The following ATP5F1C variants were observed in gnomAD, a reference collection of about 807,000 sequenced individuals.
The protein encoded by ATP5F1C is ATP synthase F(1) complex subunit gamma, mitochondrial.
ATP5F1C carries 22 observed loss-of-function variants against 37.4 expected under a neutral mutation model. That is an observed-to-expected ratio of 0.59 (90% CI 0.42 to 0.84). The LOEUF (loss-of-function observed/expected upper bound fraction) is 0.84, where lower values mean the gene tolerates loss of function less well. Ranked by LOEUF, ATP5F1C falls within the 40% of genes least tolerant of loss-of-function variation. ATP5F1C has a pLI of 0.00. For missense variants in ATP5F1C, 286 were observed against 362.4 expected (o/e 0.79, Z 1.71); for synonymous variants, 121 against 128.0 (o/e 0.95, Z 0.37).
intron 8 of ATP5F1C, 74 bp from the exon 9 acceptor site, chr10:7,806,900 G>A: frequency 7.6e-7 from 1 of 1,309,704 alleles, no homozygotes; most frequent in Non-Finnish European, 1.1e-6. Context: ...GAAAGCATAT[G>A]TGATTAACTA....
chr10:7,792,885 G>A (rs1262086852), intron 1 of ATP5F1C, among the ~76,000 whole-genome samples: 1 of 152,152 alleles, frequency 6.6e-6, no homozygotes, highest in Non-Finnish European at 1.5e-5. Flanking sequence ...GTTTAGGTTT[G>A]TAAAAAGCTA....
intron 1 of ATP5F1C, among the ~76,000 whole-genome samples, chr10:7,795,211 C>T (rs570124510): frequency 5.3e-4 from 80 of 152,256 alleles, no homozygotes; most frequent in African/African-American, 1.9e-3. Context: ...TTCTCCATTT[C>T]TCACTCTTTC....
In ATP5F1C at chr10:7,799,826, C is replaced by G. The variant is rs753424066; in HGVS notation, c.483C>G (p.Pro161=). 57 of 1,614,106 alleles carry G rather than the reference C, an allele frequency of 3.5e-5. 1 individual carries two copies. The highest frequency in any genetic ancestry group is 1.6e-4 in the Middle Eastern group (1 of 6,084). The part of the protein sequence containing the change: ...VAFKEVGRKP[P]TFGDASVIAL... ...TCAAAGAAGTGGGAAGAAAGCCCCC[C>G]ACTTTTGGAGATGCGTCAGTCATTG... The change falls in exon 5 of 10, where the codon CCC becomes CCG. Residue 161 remains proline, a synonymous_variant. Transcript: ENST00000356708.
At position 7,796,154 on chromosome 10, in the gene ATP5F1C, TAGTA is replaced by T. The variant is rs778045153; in HGVS notation, c.91+4_91+7del. ...TTCGAAATATGGCAACTTTGAAAGA[TAGTA>T]AGTATGTTGTTTGTCTCAATATGTG... On this transcript the variant is annotated splice_donor_variant and splice_donor_region_variant and coding_sequence_variant and intron_variant, in exon 2 of 10. Coordinates refer to ENST00000356708, the MANE Select transcript of ATP5F1C (RefSeq NM_001001973.3). LOFTEE classifies it high-confidence loss of function. 26 of 1,588,028 alleles carry T rather than the reference TAGTA, an allele frequency of 1.6e-5. No individual in the cohort carries two copies. The highest frequency in any genetic ancestry group is 2.1e-5 in the Non-Finnish European group (25 of 1,171,942).
At chr10:7,802,197 C>T (rs1836379002) in intron 6 of ATP5F1C, 73 bp from the exon 7 acceptor site, 2 of 1,470,958 alleles carry the variant, frequency 1.4e-6, no homozygotes, top group African/African-American at 1.4e-5. Flanking sequence ...GAGTTTTACA[C>T]TGAAAAGCTG....
Position 7,790,399 on chromosome 10 carries a change from T to A in ATP5F1C, c.56+2136T>A, listed in dbSNP as rs190904029. On this transcript the variant is annotated intron_variant, in intron 1 of 9. Transcript: ENST00000356708. ...CGTTTTGAAAATTAAACCTTTTTTT[T>A]AAAGCAGCATATAAGAAAATGGAAA... Among the ~76,000 whole-genome samples, 185 of 152,284 alleles carry A rather than the reference T, an allele frequency of 1.2e-3. 2 individuals are homozygous for A. Among genetic ancestry groups the A allele is most frequent in the African/African-American group, 6.7e-4 (28 of 41,572 alleles).
In ATP5F1C at chr10:7,788,199, G is replaced by A. The variant is rs762920260; in HGVS notation, c.-9G>A. 1.9e-6 allele frequency: 3 copies of A among 1,613,182 alleles called. No individual in the cohort carries two copies. Among genetic ancestry groups the A allele is most frequent in the Non-Finnish European group, 2.5e-6 (3 of 1,179,910 alleles). ...TGCCTGACCGACCTTCAGCAGGGCT[G>A]TGGCTACCATGTTCTCTCGCGCGGG... On this transcript the variant is annotated 5_prime_UTR_variant, in exon 1 of 10. The change creates a new upstream start codon in the 5' untranslated region. Transcript: ENST00000356708.
intron 8 of ATP5F1C, 46 bp downstream of exon 8, chr10:7,802,900 T>C (rs1372739132): frequency 1.3e-6 from 2 of 1,522,564 alleles, no homozygotes; most frequent in African/African-American, 2.8e-5. Context: ...TTTTTCCTCT[T>C]GCTGTGTCTG....
At chr10:7,800,595 C>T (rs1244428) in intron 6 of ATP5F1C, among the ~76,000 whole-genome samples, 52,260 of 150,778 alleles carry the variant, frequency 0.35, 9,050 homozygotes, top group South Asian at 0.43. Flanking sequence ...CCCGGGTTCA[C>T]GCCGTTCTCC....
At chr10:7,804,572 CTCCT>C (rs1836437234) in intron 8 of ATP5F1C, among the ~76,000 whole-genome samples, 2 of 152,346 alleles carry the variant, frequency 1.3e-5, no homozygotes, top group South Asian at 4.1e-4. Context: ...CCAGAAAACA[CTCCT>C]TCCTTCAGTC....
chr10:7,801,012 C>A (rs1253103736), intron 6 of ATP5F1C, among the ~76,000 whole-genome samples: 1 of 152,116 alleles, frequency 6.6e-6, no homozygotes, highest in Non-Finnish European at 1.5e-5. Context: ...AAAACAGAAG[C>A]TCTAGAATAG....
rs538678142 is a variant in ATP5F1C at position 7,806,886 on chromosome 10, A to G, written c.891-88A>G. 6 of 1,161,928 alleles carry G rather than the reference A, an allele frequency of 5.2e-6. No homozygotes were observed. The Admixed American group carries it at 9.8e-5, about 19-fold the overall frequency. The allele number at this position is 1,161,928 out of a possible 1,614,324, so 72.0% of individuals were successfully genotyped here. A position where few individuals can be genotyped will look rare whatever the true frequency, so the allele number is the denominator to read the frequency against. The stretch of plus-strand genomic sequence containing the variant: ...CAAGTTTAACAATTGACTTTTTTTC[A>G]TTGGAAAGCATATGTGATTAACTAG... On this transcript the variant is annotated intron_variant, in intron 8 of 9. Coordinates refer to ENST00000356708, the MANE Select transcript of ATP5F1C (RefSeq NM_001001973.3).
chr10:7,789,442 ATTTT>A (rs3837321), intron 1 of ATP5F1C, among the ~76,000 whole-genome samples: 3 of 151,682 alleles, frequency 2.0e-5, no homozygotes, highest in Non-Finnish European at 2.9e-5. Context: ...TGGAAGTCAG[ATTTT>A]TTTTTCTCTA....
chr10:7,793,175 G>A (rs185308887), intron 1 of ATP5F1C, among the ~76,000 whole-genome samples: 210 of 152,280 alleles, frequency 1.4e-3, no homozygotes, highest in Non-Finnish European at 2.0e-3. Context: ...GCAATGGCAC[G>A]ATCTCTGCTC....
intron 8 of ATP5F1C, among the ~76,000 whole-genome samples, chr10:7,803,832 C>T (rs1290931678): frequency 6.6e-6 from 1 of 152,160 alleles, no homozygotes; most frequent in Non-Finnish European, 1.5e-5. Flanking sequence ...TTGACTCGTT[C>T]CTTCTTACCT....
intron 3 of ATP5F1C, among the ~76,000 whole-genome samples, chr10:7,797,818 A>G (rs12775096): frequency 1.3e-5 from 2 of 152,296 alleles, no homozygotes; most frequent in African/African-American, 4.8e-5. Flanking sequence ...GCATGAAGAC[A>G]TTTTTCCTTC....
At chr10:7,802,166 T>C (rs372358782) in intron 6 of ATP5F1C, 104 bp from the exon 7 acceptor site, 1 of 1,158,510 alleles carries the variant, frequency 8.6e-7, no homozygotes. Flanking sequence ...TAGCATTAAT[T>C]TCTGCTCTGT....
chr10:7,791,872 A>G (rs1268246359), intron 1 of ATP5F1C, among the ~76,000 whole-genome samples: 1 of 152,244 alleles, frequency 6.6e-6, no homozygotes, highest in African/African-American at 2.4e-5. Context: ...AATGCGTAGC[A>G]TTATCACAAA....
chr10:7,802,864 T>A lies in ATP5F1C; in HGVS notation c.890+10T>A. On this transcript the variant is annotated intron_variant, in intron 8 of 9. Coordinates refer to ENST00000356708, the MANE Select transcript of ATP5F1C (RefSeq NM_001001973.3). The stretch of plus-strand genomic sequence containing the variant: ...CTGGTGCTGCAGCTCTGTGAGTAAT[T>A]GTAGATTGTCGCCTTCAGAGAATTT... 6.2e-7 allele frequency: 1 copy of A among 1,609,054 alleles called. No individual in the cohort carries two copies. Among genetic ancestry groups the A allele is most frequent in the Non-Finnish European group, 8.5e-7 (1 of 1,177,864 alleles).
Sources: allele counts gnomAD v4.1 joint callset (sites outside exome capture counted in the v4.1 genomes callset), GRCh38; gene constraint gnomAD v4.1.1; transcripts MANE v1.5; gene names NCBI Gene and HGNC (gene_info 2026-07-23, HGNC 2026-07-21).